Variants in SIAH3 observed in about 807,000 individuals in gnomAD.
The protein encoded by SIAH3 is seven in absentia homolog 3.
A neutral mutation model predicts 12.6 loss-of-function variants in SIAH3; 9 were observed. The ratio of observed to expected loss-of-function variants is 0.72; its 90% CI spans 0.43 to 1.25. SIAH3 has a LOEUF of 1.25. SIAH3 is among the 50% of genes most tolerant of loss of function. The pLI, the probability that SIAH3 is intolerant of heterozygous loss-of-function variation, is 0.00. For missense variants in SIAH3, 390 were observed against 365.4 expected, an observed-to-expected ratio of 1.07 and a Z score of -0.55; for synonymous variants, 154 against 151.1, an observed-to-expected ratio of 1.02 and a Z score of -0.14.
chr13:45,812,883 G>A (rs1277917265), intron 1 of SIAH3, among the ~76,000 whole-genome samples: 1 of 152,212 alleles, frequency 6.6e-6, no homozygotes, highest in Admixed American at 6.5e-5. Flanking sequence ...GTCTTCACAT[G>A]CTCAAATGCA....
intron 1 of SIAH3, among the ~76,000 whole-genome samples, chr13:45,819,377 G>A (rs1195295323): frequency 6.6e-6 from 1 of 152,232 alleles, no homozygotes; most frequent in African/African-American, 2.4e-5. Context: ...CATTCACAGA[G>A]CCAGGAGGCA....
At chr13:45,834,587 C>G (rs1950711508) in intron 1 of SIAH3, among the ~76,000 whole-genome samples, 1 of 152,156 alleles carries the variant, frequency 6.6e-6, no homozygotes. Flanking sequence ...GGGCAGCATC[C>G]CGGTCCTCTT....
intron 1 of SIAH3, among the ~76,000 whole-genome samples, chr13:45,817,183 C>G (rs1267656717): frequency 2.0e-5 from 3 of 152,226 alleles, no homozygotes; most frequent in African/African-American, 4.8e-5. Context: ...CAATGGTCAT[C>G]CCATAAGATT....
rs771560262 is a variant in SIAH3, at chr13:45,783,963, T to C, written c.230A>G (p.His77Arg). The change falls in exon 2 of 2, where the codon CAC becomes CGC. Residue 77 changes from histidine to arginine, a missense_variant. His to Arg is a conservative substitution (Grantham distance 29). Transcript: ENST00000400405. ...GGCGTGGTGGCGGAGGTGGTGGTGG[T>C]GGCGGTGGTGGCAGTGGTGGTGGGA... is the stretch of plus-strand genomic sequence containing the variant. The part of the protein sequence containing the change: ...HLSHHHCHHR[H>R]HHHLRHHAHP... The C allele has an allele frequency of 4.4e-6, 7 of 1,604,060 alleles. No homozygotes were observed. In the Admixed American group the frequency reaches 8.4e-5, roughly 19 times the overall value.
In SIAH3 at chr13:45,851,673, A is replaced by C; in HGVS notation, c.-44T>G. The C allele has an allele frequency of 6.2e-7, 1 of 1,613,252 alleles. No homozygotes were observed. Among genetic ancestry groups the C allele is most frequent in the Non-Finnish European group, 8.5e-7 (1 of 1,179,504 alleles). On this transcript the variant is annotated 5_prime_UTR_variant, in exon 1 of 2. Coordinates refer to ENST00000400405, the MANE Select transcript of SIAH3 (RefSeq NM_198849.3). ...GTTGGTCCGGGAAGGCAGCGGAGGA[A>C]GCTGTGAGTCCTTGGGCCCTGGAAG...
intron 1 of SIAH3, among the ~76,000 whole-genome samples, chr13:45,784,598 T>C (rs1026675891): frequency 6.7e-6 from 1 of 148,274 alleles, no homozygotes; most frequent in Non-Finnish European, 1.5e-5. Context: ...CTAAGGCATC[T>C]GGTGGGATGC....
intron 1 of SIAH3, among the ~76,000 whole-genome samples, chr13:45,792,404 C>CT (rs1422732099): frequency 6.6e-6 from 1 of 150,694 alleles, no homozygotes; most frequent in African/African-American, 2.4e-5. Flanking sequence ...ATCCCCCAGG[C>CT]TGGAGTGCAA....
chr13:45,831,327 A>G (rs1368463675), intron 1 of SIAH3, among the ~76,000 whole-genome samples: 1 of 152,214 alleles, frequency 6.6e-6, no homozygotes, highest in African/African-American at 2.4e-5. Flanking sequence ...CAGTGTATGC[A>G]CCAAAAGGAG....
Position 45,783,950 on chromosome 13 carries a change from G to A in SIAH3, c.243C>T (p.Leu81=), listed in dbSNP as rs1950516113. The change falls in exon 2 of 2, where the codon CTC becomes CTT. Residue 81 remains leucine, a synonymous_variant. Transcript: ENST00000400405. ...GGTGGTGGGGGTGGGCGTGGTGGCG[G>A]AGGTGGTGGTGGTGGCGGTGGTGGC... ...HHCHHRHHHH[L]RHHAHPHHLH... is the part of the protein sequence containing the mutation. 2 of 1,606,988 alleles carry A rather than the reference G, an allele frequency of 1.2e-6. No homozygotes were observed. Among genetic ancestry groups the A allele is most frequent in the East Asian group, 2.2e-5 (1 of 44,872 alleles).
rs532768185 is a variant in SIAH3, at chr13:45,847,071, C to T, written c.135+4424G>A. 5.2e-4 allele frequency among the ~76,000 whole-genome samples: 79 copies of T among 152,326 alleles called. 1 individual carries two copies. In the South Asian group the frequency reaches 9.1e-3, roughly 18 times the overall value. On this transcript the variant is annotated intron_variant, in intron 1 of 1. Coordinates refer to ENST00000400405, the MANE Select transcript of SIAH3 (RefSeq NM_198849.3). ...CCCTTCCTTACCCTTTATCCAGCCC[C>T]TCTGGCAAAGTGGCTCCAGACTGGA...
At chr13:45,841,417 C>T (rs1243672064) in intron 1 of SIAH3, among the ~76,000 whole-genome samples, 1 of 152,174 alleles carries the variant, frequency 6.6e-6, no homozygotes, top group Non-Finnish European at 1.5e-5. Flanking sequence ...TCCTTTTTGT[C>T]CTGGGGAGCC....
At chr13:45,797,497 T>C (rs778385636) in intron 1 of SIAH3, among the ~76,000 whole-genome samples, 12 of 152,044 alleles carry the variant, frequency 7.9e-5, no homozygotes, top group Non-Finnish European at 1.2e-4. Flanking sequence ...GTCCTGCCCT[T>C]GTAGAAATCT....
intron 1 of SIAH3, among the ~76,000 whole-genome samples, chr13:45,819,860 C>T (rs1390502025): frequency 6.6e-6 from 1 of 152,178 alleles, no homozygotes; most frequent in Non-Finnish European, 1.5e-5. Flanking sequence ...TAACAGAATG[C>T]CAGAGGCTGG....
intron 1 of SIAH3, among the ~76,000 whole-genome samples, chr13:45,787,629 A>G (rs1307945710): frequency 6.6e-6 from 1 of 152,200 alleles, no homozygotes; most frequent in East Asian, 1.9e-4. Context: ...AAGAACATGG[A>G]TGTTCAAGAA....
At chr13:45,839,656 C>T (rs575282292) in intron 1 of SIAH3, among the ~76,000 whole-genome samples, 1 of 151,976 alleles carries the variant, frequency 6.6e-6, no homozygotes, top group East Asian at 2.0e-4. Flanking sequence ...CACGGTGAAA[C>T]CCCATCTCTA....
intron 1 of SIAH3, among the ~76,000 whole-genome samples, chr13:45,838,618 T>C (rs1998892): frequency 0.24 from 35,925 of 151,930 alleles, 5,420 homozygotes; most frequent in East Asian, 0.6. Context: ...ATGGTGATGA[T>C]GGCATATCAC....
At chr13:45,833,441 T>C (rs957681245) in intron 1 of SIAH3, among the ~76,000 whole-genome samples, 7 of 151,982 alleles carry the variant, frequency 4.6e-5, no homozygotes, top group Non-Finnish European at 1.0e-4. Flanking sequence ...TTATTCTACA[T>C]GGCGCTCATA....
chr13:45,807,421 C>T (rs1950601764), intron 1 of SIAH3, among the ~76,000 whole-genome samples: 1 of 152,092 alleles, frequency 6.6e-6, no homozygotes, highest in Non-Finnish European at 1.5e-5. Flanking sequence ...AGTATTAAAA[C>T]ATGGTGATTC....
intron 1 of SIAH3, among the ~76,000 whole-genome samples, chr13:45,836,724 G>T (rs143480726): frequency 1.3e-5 from 2 of 152,106 alleles, no homozygotes; most frequent in Admixed American, 6.5e-5. Flanking sequence ...CATGGGACAC[G>T]TTTACCTATG....
Sources: gnomAD v4.1 joint callset for allele counts (sites outside exome capture counted in the v4.1 genomes callset) on GRCh38, gnomAD v4.1.1 for gene constraint, MANE v1.5 for transcripts, NCBI Gene and HGNC (gene_info 2026-07-23, HGNC 2026-07-21) for gene names.